EYA1: variants seen among roughly 807,000 people sequenced by gnomAD.
The protein encoded by EYA1 is protein phosphatase EYA1.
EYA1 carries 16 observed loss-of-function variants against 82.0 expected under a neutral mutation model. The observed-to-expected ratio is 0.20, with a 90% CI of 0.13 to 0.30. EYA1 has a LOEUF of 0.30. EYA1 is among the 10% of genes least tolerant of loss of function. EYA1 has a pLI of 1.00. For missense variants in EYA1, 633 were observed against 730.7 expected, an observed-to-expected ratio of 0.87 and a Z score of 1.54; for synonymous variants, 261 against 264.4, an observed-to-expected ratio of 0.99 and a Z score of 0.12.
intron 2 of EYA1, among the ~76,000 whole-genome samples, chr8:71,492,741 A>G (rs1289645270): frequency 2.6e-5 from 4 of 152,214 alleles, no homozygotes; most frequent in Non-Finnish European, 5.9e-5. Flanking sequence ...CTGGGATTAC[A>G]GGCGTGAGCC....
intron 2 of EYA1, among the ~76,000 whole-genome samples, chr8:71,375,619 C>T (rs144325455): frequency 3.3e-5 from 5 of 152,090 alleles, no homozygotes; most frequent in African/African-American, 4.8e-5. Context: ...CAGGAGTCTC[C>T]CCTCTACATA....
chr8:71,426,529 T>C (rs984315765), intron 2 of EYA1, among the ~76,000 whole-genome samples: 2 of 152,152 alleles, frequency 1.3e-5, no homozygotes, highest in African/African-American at 4.8e-5. Flanking sequence ...CTCTGGCCAG[T>C]TCCTGGCCTA....
chr8:71,210,230 A>T (rs563313000), intron 17 of EYA1, among the ~76,000 whole-genome samples: 1 of 152,334 alleles, frequency 6.6e-6, no homozygotes, highest in South Asian at 2.1e-4. Context: ...AATATAAGGG[A>T]GCATGATTAT....
intron 4 of EYA1, among the ~76,000 whole-genome samples, chr8:71,326,001 G>A (rs1823104424): frequency 6.6e-6 from 1 of 152,200 alleles, no homozygotes; most frequent in Non-Finnish European, 1.5e-5. Flanking sequence ...CATCTATCAA[G>A]GTAAATTAAA....
intron 12 of EYA1, among the ~76,000 whole-genome samples, chr8:71,239,524 T>C (rs773963292): frequency 6.6e-6 from 1 of 152,260 alleles, no homozygotes; most frequent in Non-Finnish European, 1.5e-5. Context: ...CCTTTATGTT[T>C]GCTGAATTTG....
Position 71,199,248 on chromosome 8 carries a change from G to T in EYA1, c.*92C>A. On this transcript the variant is annotated 3_prime_UTR_variant, in exon 18 of 18. Coordinates refer to ENST00000340726, the MANE Select transcript of EYA1 (RefSeq NM_000503.6). ...CGCATCACCAGGCGGAAATTGCTAA[G>T]TTCTGGAGGCCGGCGCTGATGCGAG... 2 of 945,586 alleles carry T rather than the reference G, an allele frequency of 2.1e-6. No individual in the cohort carries two copies. Among genetic ancestry groups the T allele is most frequent in the East Asian group, 2.6e-5 (1 of 38,214 alleles). 58.6% of individuals were successfully genotyped at this position (945,586 alleles called of 1,614,324 possible). A position where few individuals can be genotyped will look rare whatever the true frequency, so the allele number is the denominator to read the frequency against.
At chr8:71,212,710 G>T (rs1808670501) in intron 16 of EYA1, among the ~76,000 whole-genome samples, 1 of 152,256 alleles carries the variant, frequency 6.6e-6, no homozygotes, top group South Asian at 2.1e-4. Flanking sequence ...AGTCCATTTT[G>T]TCTGAAAGGT....
chr8:71,236,657 A>C (rs1811875192), intron 12 of EYA1, among the ~76,000 whole-genome samples: 1 of 152,196 alleles, frequency 6.6e-6, no homozygotes, highest in Admixed American at 6.5e-5. Flanking sequence ...GTGTGACCTT[A>C]GACAAGTTTT....
At chr8:71,460,585 T>C (rs1028586319) in intron 2 of EYA1, among the ~76,000 whole-genome samples, 4 of 152,286 alleles carry the variant, frequency 2.6e-5, no homozygotes, top group African/African-American at 7.2e-5. Flanking sequence ...GAGTAGGTTG[T>C]CATGGCTGGG....
intron 9 of EYA1, among the ~76,000 whole-genome samples, chr8:71,276,982 A>T (rs1434904691): frequency 2.0e-5 from 3 of 152,086 alleles, no homozygotes; most frequent in African/African-American, 2.4e-5. Flanking sequence ...TAGCTAACTG[A>T]AAAAAGTGTT....
chr8:71,456,284 C>T (rs1175991993), intron 2 of EYA1, among the ~76,000 whole-genome samples: 1 of 152,150 alleles, frequency 6.6e-6, no homozygotes, highest in African/African-American at 2.4e-5. Flanking sequence ...AAGAACATTC[C>T]ATGCTCATGG....
chr8:71,271,932 T>G, intron 9 of EYA1, 35 bp from the exon 10 acceptor site: 2 of 1,613,382 alleles, frequency 1.2e-6, no homozygotes, highest in Admixed American at 3.3e-5. Context: ...CATCTTTTAT[T>G]TCCATCACCA....
At chr8:71,404,551 A>T (rs1199841675) in intron 2 of EYA1, 1 of 152,212 alleles carries the variant, frequency 6.6e-6, no homozygotes, top group Non-Finnish European at 1.5e-5. Flanking sequence ...TAAAAGCTAG[A>T]GGTAAAACTG....
chr8:71,464,722 G>A (rs1182460035), intron 2 of EYA1, among the ~76,000 whole-genome samples: 1 of 152,048 alleles, frequency 6.6e-6, no homozygotes, highest in East Asian at 1.9e-4. Context: ...AATGAAGATA[G>A]CATAAAATAT....
chr8:71,228,913 AT>A (rs1037963135), intron 12 of EYA1, among the ~76,000 whole-genome samples: 3 of 152,102 alleles, frequency 2.0e-5, no homozygotes, highest in Admixed American at 6.5e-5. Flanking sequence ...GTTCAGATAC[AT>A]TTTTCTGAAA....
intron 2 of EYA1, among the ~76,000 whole-genome samples, chr8:71,407,959 G>A (rs1746617003): frequency 6.6e-6 from 1 of 150,924 alleles, no homozygotes; most frequent in South Asian, 2.1e-4. Flanking sequence ...AAAATGTTAA[G>A]GGCAGCCAGA....
chr8:71,369,362 C>T (rs1827959803), intron 2 of EYA1, among the ~76,000 whole-genome samples: 1 of 152,146 alleles, frequency 6.6e-6, no homozygotes, highest in Non-Finnish European at 1.5e-5. Flanking sequence ...TCTCTATAGG[C>T]AAGGGTACTA....
At chr8:71,358,223 TTCAAAG>T (rs1325780725) in intron 1 of EYA1, among the ~76,000 whole-genome samples, 1 of 152,202 alleles carries the variant, frequency 6.6e-6, no homozygotes, top group African/African-American at 2.4e-5. Context: ...ATATTTAAAT[TTCAAAG>T]TCAAACTGTT....
chr8:71,544,849 T>C (rs1394402393), intron 1 of EYA1, among the ~76,000 whole-genome samples: 1 of 152,224 alleles, frequency 6.6e-6, no homozygotes, highest in East Asian at 1.9e-4. Context: ...GGGAAACTGA[T>C]TCATTTCTGT....
Sources: allele counts gnomAD v4.1 joint callset (sites outside exome capture counted in the v4.1 genomes callset), GRCh38; gene constraint gnomAD v4.1.1; transcripts MANE v1.5; gene names NCBI Gene and HGNC (gene_info 2026-07-23, HGNC 2026-07-21).